MBNL1: variants seen among roughly 807,000 people sequenced by gnomAD.
MBNL1 encodes the protein muscleblind-like protein 1.
A neutral mutation model predicts 42.2 loss-of-function variants in MBNL1; 8 were observed. That is an observed-to-expected ratio of 0.19 (90% CI 0.11 to 0.34). The LOEUF (loss-of-function observed/expected upper bound fraction) is 0.34, where lower values mean the gene tolerates loss of function less well. Ranked by LOEUF, MBNL1 falls within the 10% of genes least tolerant of loss-of-function variation. MBNL1 has a pLI of 1.00. For synonymous variants in MBNL1, 169 were observed against 173.9 expected, an observed-to-expected ratio of 0.97 and a Z score of 0.22; for missense variants, 309 against 495.3, an observed-to-expected ratio of 0.62 and a Z score of 3.57.
intron 1 of MBNL1, among the ~76,000 whole-genome samples, chr3:152,289,281 T>G (rs1410460812): frequency 6.6e-6 from 1 of 152,132 alleles, no homozygotes; most frequent in African/African-American, 2.4e-5. Context: ...TATATAATTG[T>G]TAAAAAGTAA....
intron 4 of MBNL1, among the ~76,000 whole-genome samples, chr3:152,443,485 TACACACAC>T (rs150370083): frequency 2.1e-5 from 3 of 144,858 alleles, no homozygotes; most frequent in Admixed American, 1.4e-4. Context: ...ATATTTAGCA[TACACACAC>T]ACACACACAC....
intron 2 of MBNL1, among the ~76,000 whole-genome samples, chr3:152,400,674 C>G (rs539052270): frequency 6.6e-6 from 1 of 152,128 alleles, no homozygotes; most frequent in African/African-American, 2.4e-5. Flanking sequence ...GTCTTGAGAC[C>G]CTGTCCAGGA....
intron 2 of MBNL1, among the ~76,000 whole-genome samples, chr3:152,357,583 G>A (rs2095620647): frequency 6.6e-6 from 1 of 152,146 alleles, no homozygotes; most frequent in South Asian, 2.1e-4. Context: ...TGTGATAATT[G>A]GAGTTTTAAG....
intron 7 of MBNL1, 42 bp from the exon 8 acceptor site, chr3:152,456,225 C>T (rs1733486895): frequency 1.5e-6 from 2 of 1,353,358 alleles, no homozygotes; most frequent in Non-Finnish European, 2.1e-6. Flanking sequence ...CATATTGCTA[C>T]ACTCTTCTGT....
At chr3:152,369,470 CT>C (rs954975713) in intron 2 of MBNL1, among the ~76,000 whole-genome samples, 2 of 151,732 alleles carry the variant, frequency 1.3e-5, no homozygotes, top group Non-Finnish European at 2.9e-5. Context: ...CTGAAATTTT[CT>C]TTTTTTTGTT....
chr3:152,401,051 G>A (rs2098195344), intron 2 of MBNL1, among the ~76,000 whole-genome samples: 1 of 152,124 alleles, frequency 6.6e-6, no homozygotes, highest in South Asian at 2.1e-4. Context: ...AGTGGAGGCT[G>A]GATGTAGGAA....
At chr3:152,347,779 C>CA (rs766172474) in intron 2 of MBNL1, among the ~76,000 whole-genome samples, 1 of 151,720 alleles carries the variant, frequency 6.6e-6, no homozygotes, top group Non-Finnish European at 1.5e-5. Context: ...AAAGATAATG[C>CA]ACAGCACAGT....
At chr3:152,432,998 C>T in intron 4 of MBNL1, 78 bp downstream of exon 4, 2 of 1,368,028 alleles carry the variant, frequency 1.5e-6, no homozygotes, top group South Asian at 1.3e-5. Flanking sequence ...TTGTGTGTTT[C>T]CATGGCCAAA....
At chr3:152,288,227 T>G (rs2053733677) in intron 1 of MBNL1, among the ~76,000 whole-genome samples, 1 of 152,312 alleles carries the variant, frequency 6.6e-6, no homozygotes, top group Non-Finnish European at 1.5e-5. Flanking sequence ...GAGGACAAAG[T>G]GAGGGCGGAA....
chr3:152,375,025 C>T (rs537700299), intron 2 of MBNL1, among the ~76,000 whole-genome samples: 6 of 151,918 alleles, frequency 3.9e-5, no homozygotes, highest in African/African-American at 7.2e-5. Context: ...TTTTTTTTCG[C>T]GACAGACTCT....
At chr3:152,433,833 T>C (rs1002922071) in intron 4 of MBNL1, among the ~76,000 whole-genome samples, 1 of 152,142 alleles carries the variant, frequency 6.6e-6, no homozygotes, top group African/African-American at 2.4e-5. Context: ...CTGCTGTTGG[T>C]ACATGAAAAA....
intron 2 of MBNL1, among the ~76,000 whole-genome samples, chr3:152,253,275 C>A (rs1576787737): frequency 6.6e-6 from 1 of 152,094 alleles, no homozygotes; most frequent in Non-Finnish European, 1.5e-5. Flanking sequence ...TCCAGGCCAA[C>A]AGTATCCTTA....
intron 1 of MBNL1, among the ~76,000 whole-genome samples, chr3:152,271,835 A>G (rs2042108550): frequency 6.6e-6 from 1 of 152,200 alleles, no homozygotes; most frequent in Non-Finnish European, 1.5e-5. Context: ...CCAGTACAGT[A>G]GCCACATGTG....
intron 2 of MBNL1, among the ~76,000 whole-genome samples, chr3:152,315,316 A>G (rs1055354663): frequency 1.3e-5 from 2 of 152,204 alleles, no homozygotes; most frequent in East Asian, 1.9e-4. Context: ...TCCTTTAAAA[A>G]TCAAGGGGGG....
In MBNL1 at chr3:152,272,039, T is replaced by TCTC. The variant is rs1559963665; in HGVS notation, c.-790+2947_-790+2948insCTC. 5.4e-3 allele frequency among the ~76,000 whole-genome samples: 804 copies of TCTC among 147,796 alleles called. 7 individuals are homozygous for TCTC. Among genetic ancestry groups the TCTC allele is most frequent in the African/African-American group, 0.019 (767 of 39,918 alleles). On this transcript the variant is annotated intron_variant, in intron 1 of 9. Coordinates refer to ENST00000324210, the MANE Select transcript of MBNL1 (RefSeq NM_021038.5). ...ACTAGATTAACTTCACCTGTTTCTT[T>TCTC]TCTCTCTCTCTCTCTCTCTCTCTCT...
At chr3:152,373,070 G>A (rs547992610) in intron 2 of MBNL1, among the ~76,000 whole-genome samples, 3 of 152,202 alleles carry the variant, frequency 2.0e-5, no homozygotes, top group South Asian at 4.1e-4. Context: ...TGCCCAATTC[G>A]AACTTCCCAG....
intron 2 of MBNL1, among the ~76,000 whole-genome samples, chr3:152,347,276 A>C (rs557393599): frequency 1.3e-5 from 2 of 152,228 alleles, no homozygotes; most frequent in South Asian, 4.1e-4. Context: ...TAGAGAACCA[A>C]AAATATTTAA....
chr3:152,279,665 G>C (rs1053336795), intron 1 of MBNL1, among the ~76,000 whole-genome samples: 1 of 152,124 alleles, frequency 6.6e-6, no homozygotes, highest in African/African-American at 2.4e-5. Flanking sequence ...TCATGATGTT[G>C]TAACAGTGCA....
chr3:152,300,288 C>G lies in MBNL1; in HGVS notation c.95C>G (p.Thr32Arg), dbSNP rs185894411. The G allele has an allele frequency of 6.2e-7, 1 of 1,613,736 alleles. No individual in the cohort carries two copies. Among genetic ancestry groups the G allele is most frequent in the Non-Finnish European group, 8.5e-7 (1 of 1,179,726 alleles). Residue 32 changes from threonine to arginine, a missense_variant, in exon 2 of 10, where the codon ACG (threonine) becomes AGG (arginine). Transcript: ENST00000324210. ...AGGGGGACTTGCTCACGGCCAGACA[C>G]GGAATGTAAATTTGCACATCCTTCG... ...FQRGTCSRPD[T>R]ECKFAHPSKS...
Sources: gnomAD v4.1 joint callset for allele counts (sites outside exome capture counted in the v4.1 genomes callset) on GRCh38, gnomAD v4.1.1 for gene constraint, MANE v1.5 for transcripts, NCBI Gene and HGNC (gene_info 2026-07-23, HGNC 2026-07-21) for gene names.